Variants in SCAND3 observed in about 807,000 individuals in gnomAD.
SCAND3 encodes the protein SCAN domain-containing protein 3.
chr6:28,573,600 T>G, the SCAND3 span: 3 of 1,613,328 alleles, frequency 1.9e-6, no homozygotes, highest in Non-Finnish European at 2.5e-6. Context: ...CCAGTACATC[T>G]CCACAAATAA....
At chr6:28,596,999 A>G in the SCAND3 span, among the ~76,000 whole-genome samples, 1 of 152,204 alleles carries the variant, frequency 6.6e-6, no homozygotes, top group African/African-American at 2.4e-5. Context: ...TATAGCCCTC[A>G]ATTAATTATT....
the SCAND3 span, among the ~76,000 whole-genome samples, chr6:28,597,370 C>A: frequency 3.3e-5 from 5 of 152,338 alleles, no homozygotes; most frequent in South Asian, 2.1e-4. Context: ...CCCACGCGTG[C>A]AGAGCACAAT....
chr6:28,606,603 G>A, the SCAND3 span, among the ~76,000 whole-genome samples: 24 of 152,232 alleles, frequency 1.6e-4, no homozygotes, highest in Admixed American at 3.3e-4. Context: ...CTAGACGTGC[G>A]GATCTGGGTG....
At chr6:28,606,822 C>G in the SCAND3 span, among the ~76,000 whole-genome samples, 3 of 152,194 alleles carry the variant, frequency 2.0e-5, no homozygotes, top group Non-Finnish European at 4.4e-5. Flanking sequence ...AGGCGAGGAT[C>G]CCCTTTGACG....
the SCAND3 span, among the ~76,000 whole-genome samples, chr6:28,613,376 T>G: frequency 1.3e-5 from 2 of 152,218 alleles, no homozygotes; most frequent in African/African-American, 4.8e-5. Context: ...ACTTCTGCTT[T>G]TAAATACATC....
chr6:28,588,095 A>G, the SCAND3 span: 1 of 152,204 alleles, frequency 6.6e-6, no homozygotes, highest in Admixed American at 6.5e-5. The surrounding 1 kb of genome is among the most constrained non-coding windows in gnomAD (Gnocchi z 4.1). Flanking sequence ...TCTTTGAATA[A>G]TCAGAACATC....
At chr6:28,574,407 A>C in the SCAND3 span, among the ~76,000 whole-genome samples, 10 of 152,124 alleles carry the variant, frequency 6.6e-5, no homozygotes, top group Non-Finnish European at 1.3e-4. Flanking sequence ...CCCAAACTGA[A>C]GTCTTTCCCA....
the SCAND3 span, among the ~76,000 whole-genome samples, chr6:28,607,256 C>G: frequency 6.6e-6 from 1 of 152,182 alleles, no homozygotes; most frequent in African/African-American, 2.4e-5. Flanking sequence ...ACTTTCTCCT[C>G]TCAATGGACC....
chr6:28,576,647 C>T, the SCAND3 span, among the ~76,000 whole-genome samples: 1 of 151,958 alleles, frequency 6.6e-6, no homozygotes, highest in African/African-American at 2.4e-5. Flanking sequence ...CAAAAAGTTT[C>T]AAACAATAAA....
chr6:28,587,382 G>C, the SCAND3 span: 1 of 152,320 alleles, frequency 6.6e-6, no homozygotes, highest in South Asian at 2.1e-4. Context: ...CTTCTCACTG[G>C]TTGTGCAAAC....
At chr6:28,609,814 C>T in the SCAND3 span, among the ~76,000 whole-genome samples, 1 of 152,122 alleles carries the variant, frequency 6.6e-6, no homozygotes, top group African/African-American at 2.4e-5. Context: ...TAGATAAAAA[C>T]CATTTGTTTA....
chr6:28,613,496 G>T, the SCAND3 span, among the ~76,000 whole-genome samples: 1 of 152,110 alleles, frequency 6.6e-6, no homozygotes, highest in Admixed American at 6.5e-5. Flanking sequence ...ATAATCTGAG[G>T]TATCTTCCAA....
chr6:28,607,225 C>T, the SCAND3 span, among the ~76,000 whole-genome samples: 3 of 152,180 alleles, frequency 2.0e-5, no homozygotes, highest in East Asian at 3.9e-4. Context: ...CCCGGCACCT[C>T]CACCAGTTTT....
the SCAND3 span, chr6:28,589,686 C>G: frequency 1.3e-5 from 2 of 152,064 alleles, no homozygotes; most frequent in African/African-American, 2.4e-5. Context: ...CTCTTATCGA[C>G]TTACGAAAAG....
the SCAND3 span, among the ~76,000 whole-genome samples, chr6:28,615,108 G>A: frequency 2.0e-5 from 3 of 152,130 alleles, no homozygotes; most frequent in African/African-American, 7.2e-5. Flanking sequence ...TTGCCTCACC[G>A]TAAGCACACT....
the SCAND3 span, among the ~76,000 whole-genome samples, chr6:28,602,128 T>C: frequency 2.0e-5 from 3 of 152,108 alleles, no homozygotes; most frequent in African/African-American, 7.2e-5. Flanking sequence ...TATTTTTTAA[T>C]TTATTTTATT....
the SCAND3 span, among the ~76,000 whole-genome samples, chr6:28,586,076 T>C: frequency 1.3e-5 from 2 of 152,210 alleles, no homozygotes; most frequent in African/African-American, 4.8e-5. The surrounding 1 kb of genome is among the most constrained non-coding windows in gnomAD (Gnocchi z 4.4). Context: ...TGGTAAAAAA[T>C]AGATCAAGCT....
At chr6:28,599,552 G>A in the SCAND3 span, among the ~76,000 whole-genome samples, 1 of 152,190 alleles carries the variant, frequency 6.6e-6, no homozygotes, top group Admixed American at 6.5e-5. Context: ...CTGTTCTCAT[G>A]ATAGTGAATA....
At chr6:28,612,344 T>G in the SCAND3 span, among the ~76,000 whole-genome samples, 91,546 of 152,034 alleles carry the variant, frequency 0.6, 30,808 homozygotes, top group East Asian at 0.78. Context: ...TGATCACTTC[T>G]GTGTTTTTAA....
Sources: gnomAD v4.1 joint callset for allele counts (sites outside exome capture counted in the v4.1 genomes callset) on GRCh38, gnomAD v4.1.1 for gene constraint, Gnocchi (gnomAD v3.1) non-coding constraint, MANE v1.5 for transcripts, NCBI Gene and HGNC (gene_info 2026-07-23, HGNC 2026-07-21) for gene names.